The following REC114 variants were observed in gnomAD, a reference collection of about 807,000 sequenced individuals.
REC114 encodes the protein REC114 meiotic recombination protein, also known as meiotic recombination protein REC114.
REC114 carries 27 observed loss-of-function variants against 31.3 expected under a neutral mutation model. That is an observed-to-expected ratio of 0.86 (90% CI 0.64 to 1.19). The LOEUF (loss-of-function observed/expected upper bound fraction) is 1.19. REC114 is among the 50% of genes most tolerant of loss of function. The pLI is 0.00. For synonymous variants in REC114, 134 were observed against 127.7 expected (o/e 1.05, Z -0.33); for missense variants, 344 against 326.9 (o/e 1.05, Z -0.40).
intron 1 of REC114, among the ~76,000 whole-genome samples, chr15:73,454,492 C>T (rs1163964937): frequency 6.6e-6 from 1 of 152,104 alleles, no homozygotes; most frequent in Non-Finnish European, 1.5e-5. Context: ...AGAGAAAGGG[C>T]ACAATGAATT....
intron 2 of REC114, among the ~76,000 whole-genome samples, chr15:73,504,281 G>A (rs1217399202): frequency 6.6e-6 from 1 of 152,012 alleles, no homozygotes; most frequent in Non-Finnish European, 1.5e-5. Flanking sequence ...GGGATTACAG[G>A]CGTGAGCCAC....
At chr15:73,516,360 A>T (rs1466373117) in intron 2 of REC114, among the ~76,000 whole-genome samples, 1 of 152,050 alleles carries the variant, frequency 6.6e-6, no homozygotes, top group African/African-American at 2.4e-5. Context: ...TTAGAAAGAT[A>T]CTCGCCACCA....
At chr15:73,464,619 G>C (rs781301821) in intron 1 of REC114, among the ~76,000 whole-genome samples, 3 of 152,278 alleles carry the variant, frequency 2.0e-5, no homozygotes, top group Non-Finnish European at 2.9e-5. Context: ...GAAGGATTGA[G>C]TTAAGTTGGC....
intron 2 of REC114, among the ~76,000 whole-genome samples, chr15:73,509,106 G>A: frequency 6.6e-6 from 1 of 152,072 alleles, no homozygotes; most frequent in East Asian, 1.9e-4. Flanking sequence ...TCCAGCACCT[G>A]TTGTTTCCTG....
chr15:73,459,039 T>G (rs931703043), intron 1 of REC114, among the ~76,000 whole-genome samples: 22 of 152,174 alleles, frequency 1.4e-4, no homozygotes, highest in Non-Finnish European at 2.1e-4. Flanking sequence ...AATGAGTAAT[T>G]ATTGTATGTT....
At chr15:73,551,284 A>T (rs772162645) in intron 4 of REC114, 134 bp downstream of exon 4, 5 of 903,796 alleles carry the variant, frequency 5.5e-6, no homozygotes, top group Middle Eastern at 3.4e-4. Flanking sequence ...GTGACTTTTT[A>T]AAATTGAGGT....
chr15:73,540,476 T>C lies in REC114; in HGVS notation c.250-9T>C, dbSNP rs1894222446. 1 of 1,611,810 alleles carries C rather than the reference T, an allele frequency of 6.2e-7. No homozygotes were observed. Among genetic ancestry groups the C allele is most frequent in the Non-Finnish European group, 8.5e-7 (1 of 1,177,918 alleles). Reference sequence around the variant, plus strand: ...TTCTGTTGCTAATTTTTGCCTAATTTTGTTTCAGGAAGGGTTTTCACTCAT... The same window carrying C: ...TTCTGTTGCTAATTTTTGCCTAATTCTGTTTCAGGAAGGGTTTTCACTCAT... On this transcript the variant is annotated splice_polypyrimidine_tract_variant and intron_variant, in intron 2 of 5. Transcript: ENST00000331090.
At chr15:73,513,992 T>C (rs924668942) in intron 2 of REC114, among the ~76,000 whole-genome samples, 1 of 152,132 alleles carries the variant, frequency 6.6e-6, no homozygotes, top group African/African-American at 2.4e-5. Flanking sequence ...GCTTCCTGGC[T>C]GCTTTGTTTA....
intron 3 of REC114, among the ~76,000 whole-genome samples, chr15:73,548,682 G>A (rs547755960): frequency 2.6e-5 from 4 of 152,238 alleles, no homozygotes; most frequent in South Asian, 2.1e-4. Context: ...CAGCAATCCC[G>A]TTACTTGGTA....
chr15:73,529,199 G>A (rs1213439873), intron 2 of REC114, among the ~76,000 whole-genome samples: 1 of 151,320 alleles, frequency 6.6e-6, no homozygotes, highest in Non-Finnish European at 1.5e-5. Flanking sequence ...GTGCAGTGGC[G>A]TGTTCTCAGC....
intron 1 of REC114, among the ~76,000 whole-genome samples, chr15:73,468,500 T>C (rs1893091511): frequency 6.6e-6 from 1 of 152,182 alleles, no homozygotes. Flanking sequence ...ATGATCATGT[T>C]GTCTGTGAAT....
In REC114 at chr15:73,551,003, C is replaced by T; in HGVS notation, c.399C>T (p.Cys133=). The T allele has an allele frequency of 5.0e-6, 8 of 1,613,894 alleles. No individual in the cohort carries two copies. The highest frequency in any genetic ancestry group is 6.8e-6 in the Non-Finnish European group (8 of 1,179,850). Residue 133 remains cysteine (C), a synonymous_variant, in exon 4 of 6, where the codon TGC becomes TGT. Transcript: ENST00000331090. Reference sequence around the variant, plus strand: ...CAAAGGAGCAGGCGCTGGAACACTGCTGCAGTTGTGTTCAGAAGCTGGCAC... The same window carrying T: ...CAAAGGAGCAGGCGCTGGAACACTGTTGCAGTTGTGTTCAGAAGCTGGCAC... ...GESKEQALEH[C]CSCVQKLAQY...
chr15:73,559,749 CAG>C lies in REC114; in HGVS notation c.637-1_637del. 3 of 1,556,428 alleles carry C rather than the reference CAG, an allele frequency of 1.9e-6. No homozygotes were observed. Among genetic ancestry groups the C allele is most frequent in the Non-Finnish European group, 2.6e-6 (3 of 1,158,718 alleles). On this transcript the variant is annotated splice_acceptor_variant, in intron 5 of 5. Coordinates refer to ENST00000331090, the MANE Select transcript of REC114 (RefSeq NM_001042367.2). LOFTEE classifies it high-confidence loss of function. Reference sequence around the variant, plus strand: ...TGTAACGACTTTTCTGGTATCCCTGCAGACTCTTCTGGCATCGGAGGAGCTGC... The same window carrying C: ...TGTAACGACTTTTCTGGTATCCCTGCACTCTTCTGGCATCGGAGGAGCTGC...
At chr15:73,458,864 T>G (rs1012314598) in intron 1 of REC114, among the ~76,000 whole-genome samples, 1 of 152,216 alleles carries the variant, frequency 6.6e-6, no homozygotes, top group Non-Finnish European at 1.5e-5. Context: ...CAAGTTCATA[T>G]GTCTAGCTAA....
intron 1 of REC114, among the ~76,000 whole-genome samples, chr15:73,448,966 G>A (rs1892804898): frequency 6.6e-6 from 1 of 152,150 alleles, no homozygotes; most frequent in Admixed American, 6.5e-5. Flanking sequence ...CAAAAAGGAT[G>A]TCTACTCAGA....
intron 3 of REC114, among the ~76,000 whole-genome samples, chr15:73,548,642 T>C (rs943696819): frequency 1.3e-5 from 2 of 152,184 alleles, no homozygotes; most frequent in African/African-American, 4.8e-5. Context: ...AGTGTGGCAA[T>C]TCCTCAAAGA....
At chr15:73,558,412 C>T (rs955574146) in intron 5 of REC114, among the ~76,000 whole-genome samples, 2 of 152,186 alleles carry the variant, frequency 1.3e-5, no homozygotes, top group Admixed American at 6.5e-5. Context: ...ACTGTGGATC[C>T]GGTGTTGCCA....
At chr15:73,482,243 G>A (rs1349520984) in intron 2 of REC114, among the ~76,000 whole-genome samples, 1 of 152,156 alleles carries the variant, frequency 6.6e-6, no homozygotes, top group African/African-American at 2.4e-5. Flanking sequence ...AGTGTTGAAG[G>A]TGGGGCCTGT....
At chr15:73,501,129 G>A (rs773771360) in intron 2 of REC114, among the ~76,000 whole-genome samples, 5 of 152,144 alleles carry the variant, frequency 3.3e-5, no homozygotes, top group African/African-American at 9.7e-5. Context: ...AAGTGTATCC[G>A]TGTAAATGAG....
Sources: allele counts gnomAD v4.1 joint callset (sites outside exome capture counted in the v4.1 genomes callset), GRCh38; gene constraint gnomAD v4.1.1; transcripts MANE v1.5; gene names NCBI Gene and HGNC (gene_info 2026-07-23, HGNC 2026-07-21).